Variants in IDNK observed in about 807,000 individuals in gnomAD.
The protein encoded by IDNK is gluconokinase.
A neutral mutation model predicts 13.0 loss-of-function variants in IDNK; 9 were observed. That is an observed-to-expected ratio of 0.69 (90% CI 0.42 to 1.21). IDNK has a LOEUF of 1.21. Among genes scored for constraint, IDNK ranks in the 50% most tolerant of loss-of-function variants. The probability of loss-of-function intolerance (pLI) is 0.00; values close to 1 mark genes in which losing one functional copy is unlikely to be tolerated. For synonymous variants in IDNK, 92 were observed against 94.9 expected, an observed-to-expected ratio of 0.97 and a Z score of 0.18; for missense variants, 210 against 237.8, an observed-to-expected ratio of 0.88 and a Z score of 0.77.
At chr9:83,628,251 A>G (rs1456911822) in intron 2 of IDNK, 40 bp downstream of exon 2, 15 of 1,492,078 alleles carry the variant, frequency 1.0e-5, no homozygotes, top group Middle Eastern at 1.7e-4. Context: ...TGCTTGTCCC[A>G]TTGTGTTCTG....
intron 3 of IDNK, among the ~76,000 whole-genome samples, chr9:83,631,451 GAAAAAAAA>G (rs57832482): frequency 1.8e-5 from 1 of 56,946 alleles, no homozygotes; most frequent in African/African-American, 7.2e-5. Flanking sequence ...TACAAAAACT[GAAAAAAAA>G]AAAAAAAAAA....
chr9:83,633,245 G>A (rs1020928651), intron 3 of IDNK, among the ~76,000 whole-genome samples: 14 of 152,122 alleles, frequency 9.2e-5, no homozygotes, highest in Admixed American at 2.6e-4. Context: ...AGGCTGAGGC[G>A]GGAGAATGGC....
chr9:83,639,205 T>C (rs1365926804), intron 3 of IDNK, among the ~76,000 whole-genome samples: 2 of 152,190 alleles, frequency 1.3e-5, no homozygotes, highest in Non-Finnish European at 2.9e-5. Flanking sequence ...TTAACATTCA[T>C]ATAAATAATT....
At chr9:83,627,853 C>A (rs1040539732) in intron 1 of IDNK, among the ~76,000 whole-genome samples, 8 of 73,944 alleles carry the variant, frequency 1.1e-4, no homozygotes, top group Non-Finnish European at 1.9e-4. Context: ...ATCCCCACCA[C>A]AAAAAAAAAA....
intron 3 of IDNK, among the ~76,000 whole-genome samples, chr9:83,629,911 G>A (rs769977370): frequency 4.6e-5 from 7 of 152,240 alleles, no homozygotes; most frequent in Non-Finnish European, 7.3e-5. Context: ...TGTGCAGGCC[G>A]TGAGGCCATC....
At chr9:83,640,099 T>C (rs1282715094) in intron 3 of IDNK, among the ~76,000 whole-genome samples, 3 of 152,164 alleles carry the variant, frequency 2.0e-5, no homozygotes, top group Non-Finnish European at 4.4e-5. Flanking sequence ...ATAAATGTTG[T>C]AGCTACCAAA....
intron 3 of IDNK, among the ~76,000 whole-genome samples, chr9:83,632,029 A>G (rs553746008): frequency 2.3e-4 from 35 of 152,322 alleles, no homozygotes; most frequent in African/African-American, 5.8e-4. Flanking sequence ...CCTGTATAGA[A>G]AATTTGGAAA....
chr9:83,626,968 C>A, intron 1 of IDNK: 2 of 377,924 alleles, frequency 5.3e-6, no homozygotes, highest in Non-Finnish European at 3.7e-6. Flanking sequence ...CTTTGTTAGG[C>A]AACAGTATCC....
At chr9:83,628,797 C>T (rs1375324449) in intron 2 of IDNK, 76 bp from the exon 3 acceptor site, 1 of 1,022,270 alleles carries the variant, frequency 9.8e-7, no homozygotes, top group Non-Finnish European at 1.5e-6. Flanking sequence ...CTACACCTGC[C>T]TGTTAGTAAT....
Position 83,643,813 on chromosome 9 carries a change from T to C in IDNK, c.*33T>C. ...TTTGTATCAGTGGTCCAAACAGAAC[T>C]AAGCATAAATCATTGTGCCATCCCA... On this transcript the variant is annotated 3_prime_UTR_variant, in exon 5 of 5. Coordinates refer to ENST00000376419, the MANE Select transcript of IDNK (RefSeq NM_001001551.4). 1 of 1,488,214 alleles carries C rather than the reference T, an allele frequency of 6.7e-7. No homozygotes were observed. The highest frequency in any genetic ancestry group is 9.3e-7 in the Non-Finnish European group (1 of 1,080,836). 92.2% of individuals were successfully genotyped at this position (1,488,214 alleles called of 1,614,324 possible).
intron 1 of IDNK, chr9:83,626,448 ACT>A (rs1461219843): frequency 3.2e-6 from 1 of 314,008 alleles, no homozygotes; most frequent in African/African-American, 2.3e-5. Flanking sequence ...ACAGACTCTC[ACT>A]CTGTCGCCCA....
At chr9:83,627,136 A>G (rs1322992042) in intron 1 of IDNK, 1 of 152,312 alleles carries the variant, frequency 6.6e-6, no homozygotes, top group Non-Finnish European at 1.5e-5. Context: ...GCAATTAAAT[A>G]AAAACATCAA....
chr9:83,636,526 G>C (rs1407549689), intron 3 of IDNK, among the ~76,000 whole-genome samples: 1 of 152,110 alleles, frequency 6.6e-6, no homozygotes, highest in Non-Finnish European at 1.5e-5. Flanking sequence ...AGAGTGTCCA[G>C]AACATCTAGT....
At position 83,643,424 on chromosome 9, in the gene IDNK, A is replaced by T; in HGVS notation, c.213-5A>T. 6.3e-7 allele frequency: 1 copy of T among 1,575,136 alleles called. No homozygotes were observed. On this transcript the variant is annotated splice_polypyrimidine_tract_variant and splice_region_variant and intron_variant, in intron 4 of 4. Transcript: ENST00000376419. ...TCCCTCTTTTTTTTTTCTTTTTCTAAACAGAGATGTAGCCTCGGGACAGCG... is the reference window on the plus strand; with the variant it reads ...TCCCTCTTTTTTTTTTCTTTTTCTATACAGAGATGTAGCCTCGGGACAGCG...
rs1480283906 is a variant in IDNK, at chr9:83,643,730, A to C, written c.514A>C (p.Asn172His). The change falls in exon 5 of 5, where the codon AAT (asparagine) becomes CAT (histidine). Residue 172 changes from asparagine to histidine, a missense_variant. Asn to His is a moderately conservative substitution (Grantham distance 68, BLOSUM62 1). Coordinates refer to ENST00000376419, the MANE Select transcript of IDNK (RefSeq NM_001001551.4). ...ENFIQISVDK[N>H]VSEIIATIME... Reference sequence around the variant, plus strand: ...CTTTATCCAAATAAGTGTGGACAAAAATGTTTCAGAGATAATTGCTACAAT... The same window carrying C: ...CTTTATCCAAATAAGTGTGGACAAACATGTTTCAGAGATAATTGCTACAAT... 2 of 1,613,216 alleles carry C rather than the reference A, an allele frequency of 1.2e-6. No individual in the cohort carries two copies. The highest frequency in any genetic ancestry group is 1.1e-5 in the South Asian group (1 of 90,906).
At chr9:83,631,451 G>GAAAAAACAAAAAAAAAAAA (rs1831011340) in intron 3 of IDNK, among the ~76,000 whole-genome samples, 1 of 56,946 alleles carries the variant, frequency 1.8e-5, no homozygotes, top group African/African-American at 7.2e-5. Context: ...TACAAAAACT[G>GAAAAAACAAAAAAAAAAAA]AAAAAAAAAA....
chr9:83,634,689 T>C (rs1047257578), intron 3 of IDNK, among the ~76,000 whole-genome samples: 2 of 152,080 alleles, frequency 1.3e-5, no homozygotes, highest in African/African-American at 4.8e-5. Context: ...CACAAGCAAA[T>C]AGAAATATTT....
At chr9:83,625,908 G>A (rs149855551) in intron 1 of IDNK, among the ~76,000 whole-genome samples, 136 of 152,314 alleles carry the variant, frequency 8.9e-4, no homozygotes, top group South Asian at 1.9e-3. Context: ...AATACTTGTT[G>A]ACTTAATGAA....
rs898472144 is a variant in IDNK at position 83,626,781 on chromosome 9, C to T, written c.51-1400C>T. ...GGCTTCACCAGCCATGGAGTTTGGC[C>T]GGGATGGTCTACTCATCCGTAGGCT... On this transcript the variant is annotated intron_variant, in intron 1 of 4. Coordinates refer to ENST00000376419, the MANE Select transcript of IDNK (RefSeq NM_001001551.4). 11 of 1,172,716 alleles carry T rather than the reference C, an allele frequency of 9.4e-6. No individual in the cohort carries two copies. In the South Asian group the frequency reaches 9.5e-5, roughly 10 times the overall value. 72.6% of individuals were successfully genotyped at this position (1,172,716 alleles called of 1,614,324 possible).
Sources: allele counts gnomAD v4.1 joint callset (sites outside exome capture counted in the v4.1 genomes callset), GRCh38; gene constraint gnomAD v4.1.1; transcripts MANE v1.5; gene names NCBI Gene and HGNC (gene_info 2026-07-23, HGNC 2026-07-21).